Variants in RIMBP2 observed in about 807,000 individuals in gnomAD.
The protein encoded by RIMBP2 is RIMS-binding protein 2.
In RIMBP2, 48 loss-of-function variants were observed where a neutral mutation model predicts 118.6. That is an observed-to-expected ratio of 0.40 (90% CI 0.32 to 0.51). The LOEUF (loss-of-function observed/expected upper bound fraction) is 0.51, where lower values mean the gene tolerates loss of function less well. Among genes scored for constraint, RIMBP2 ranks in the 20% least tolerant of loss-of-function variants. The pLI, the probability that RIMBP2 is intolerant of heterozygous loss-of-function variation, is 0.41. For missense variants in RIMBP2, 1,551 were observed against 1,768.3 expected (o/e 0.88, Z 2.20); for synonymous variants, 762 against 742.9 (o/e 1.03, Z -0.42).
intron 4 of RIMBP2, among the ~76,000 whole-genome samples, chr12:130,494,561 C>T (rs934403291): frequency 2.0e-5 from 3 of 151,796 alleles, no homozygotes; most frequent in Non-Finnish European, 4.4e-5. Flanking sequence ...ATCGCTTGAA[C>T]CCAGGAGGCA....
intron 1 of RIMBP2, among the ~76,000 whole-genome samples, chr12:130,675,662 G>T (rs1278019234): frequency 6.6e-6 from 1 of 152,146 alleles, no homozygotes; most frequent in African/African-American, 2.4e-5. Flanking sequence ...CAATCAGATC[G>T]GTTTCAGCTT....
In RIMBP2 at chr12:130,703,344, T is replaced by G. The variant is rs912710276; in HGVS notation, c.-352+12878A>C. 6.6e-6 allele frequency among the ~76,000 whole-genome samples: 1 copy of G among 152,198 alleles called. No homozygotes were observed. Among genetic ancestry groups the G allele is most frequent in the Non-Finnish European group, 1.5e-5 (1 of 68,030 alleles). Reference sequence around the variant, plus strand: ...ATGAAGCCTGCCCAAGAATCCCTAATTCACTAATAAGAAAATCACCATCTA... The same window carrying G: ...ATGAAGCCTGCCCAAGAATCCCTAAGTCACTAATAAGAAAATCACCATCTA... On this transcript the variant is annotated intron_variant, in intron 1 of 22. Transcript: ENST00000690449. This position sits in a 1 kb window ranked among gnomAD's most constrained non-coding sequence, Gnocchi z 5.7.
At chr12:130,535,846 T>G (rs1356290388) in intron 2 of RIMBP2, among the ~76,000 whole-genome samples, 1 of 150,964 alleles carries the variant, frequency 6.6e-6, no homozygotes, top group East Asian at 1.9e-4. Context: ...TGGTACAATT[T>G]CAGCTCACTA....
intron 3 of RIMBP2, 110 bp from the exon 4 acceptor site, chr12:130,506,880 T>G: frequency 2.5e-6 from 2 of 806,648 alleles, no homozygotes; most frequent in Non-Finnish European, 3.0e-6. Context: ...TAGAGAATCC[T>G]TCCCTCCCTC....
intron 1 of RIMBP2, among the ~76,000 whole-genome samples, chr12:130,680,674 C>A (rs1477736357): frequency 6.6e-6 from 1 of 152,178 alleles, no homozygotes; most frequent in African/African-American, 2.4e-5. Context: ...TCGGTTATTG[C>A]AACTGGGGAG....
chr12:130,585,219 A>G (rs993706773), intron 2 of RIMBP2, among the ~76,000 whole-genome samples: 2 of 152,116 alleles, frequency 1.3e-5, no homozygotes, highest in African/African-American at 2.4e-5. Flanking sequence ...TGCTACCATT[A>G]TAAGCCGTGG....
At chr12:130,526,371 G>C (rs573561499) in intron 2 of RIMBP2, among the ~76,000 whole-genome samples, 1 of 152,150 alleles carries the variant, frequency 6.6e-6, no homozygotes, top group Non-Finnish European at 1.5e-5. Flanking sequence ...TTTTGTGCTC[G>C]ATGAAAGCCA....
intron 1 of RIMBP2, among the ~76,000 whole-genome samples, chr12:130,690,701 CA>C (rs1441733273): frequency 6.6e-6 from 1 of 152,142 alleles, no homozygotes; most frequent in African/African-American, 2.4e-5. Flanking sequence ...GCAGGCCACG[CA>C]CTTCCACTGG....
chr12:130,485,418 C>T (rs987646733), intron 4 of RIMBP2, among the ~76,000 whole-genome samples: 2 of 152,264 alleles, frequency 1.3e-5, no homozygotes, highest in Admixed American at 1.3e-4. Flanking sequence ...CTCCCGGCCA[C>T]TGCCCCACTT....
At chr12:130,630,355 A>G (rs1465754479) in intron 1 of RIMBP2, among the ~76,000 whole-genome samples, 6 of 151,788 alleles carry the variant, frequency 4.0e-5, no homozygotes, top group Non-Finnish European at 7.4e-5. Context: ...TATAAAAAGC[A>G]TGCTACACAT....
chr12:130,600,100 T>C (rs982212401), intron 2 of RIMBP2, among the ~76,000 whole-genome samples: 2 of 152,194 alleles, frequency 1.3e-5, no homozygotes, highest in Non-Finnish European at 2.9e-5. Flanking sequence ...AGTGTACATC[T>C]TACACATATT....
intron 5 of RIMBP2, among the ~76,000 whole-genome samples, chr12:130,477,066 G>T (rs544467442): frequency 2.6e-5 from 4 of 152,286 alleles, no homozygotes; most frequent in Non-Finnish European, 5.9e-5. Flanking sequence ...TTACAAAATT[G>T]GCCCATTCAT....
In RIMBP2 at chr12:130,688,596, GAGCAC is replaced by G. The variant is rs2136633317; in HGVS notation, c.-352+27621_-352+27625del. ...TACCCCGGGTGACCCTTAGGACTCT[GAGCAC>G]AGCCGGCGGGCATTCTCCCAGCCCT... On this transcript the variant is annotated intron_variant, in intron 1 of 22. Transcript: ENST00000690449. The surrounding 1 kb of genome is among the most constrained non-coding windows in gnomAD (Gnocchi z 4.7). 6.6e-6 allele frequency among the ~76,000 whole-genome samples: 1 copy of G among 151,628 alleles called. No individual in the cohort carries two copies. The highest frequency in any genetic ancestry group is 2.1e-4 in the South Asian group (1 of 4,800).
rs1265445244 is a variant in RIMBP2, at chr12:130,434,481, C to T, written c.2253+253G>A. Among the ~76,000 whole-genome samples the T allele has an allele frequency of 6.6e-6, 1 of 152,156 alleles. No homozygotes were observed. Among genetic ancestry groups the T allele is most frequent in the Non-Finnish European group, 1.5e-5 (1 of 68,032 alleles). On this transcript the variant is annotated intron_variant, in intron 14 of 22. Transcript: ENST00000690449. The surrounding 1 kb of genome is among the most constrained non-coding windows in gnomAD (Gnocchi z 5.7). ...GCAAAACCACCCCTATGACCGAATA[C>T]CAGGATGGTGCAGCGGGGGAGGGTG...
At chr12:130,500,585 G>A (rs146413306) in intron 4 of RIMBP2, among the ~76,000 whole-genome samples, 21 of 151,788 alleles carry the variant, frequency 1.4e-4, no homozygotes, top group African/African-American at 5.1e-4. Flanking sequence ...TAAGACAGGC[G>A]GCACATCAGT....
intron 2 of RIMBP2, among the ~76,000 whole-genome samples, chr12:130,537,194 G>A (rs899370857): frequency 7.2e-5 from 11 of 152,096 alleles, no homozygotes; most frequent in Admixed American, 2.6e-4. Context: ...ACACAGCATC[G>A]ACTGCAGCTG....
chr12:130,435,539 T>C (rs2077452174), intron 13 of RIMBP2, among the ~76,000 whole-genome samples: 1 of 152,124 alleles, frequency 6.6e-6, no homozygotes, highest in Admixed American at 6.6e-5. Flanking sequence ...GGAGCAGAAG[T>C]GGAGCCGCAT....
chr12:130,465,318 A>C (rs1308032677), intron 6 of RIMBP2: 1 of 152,324 alleles, frequency 6.6e-6, no homozygotes, highest in Non-Finnish European at 1.5e-5. Flanking sequence ...GGAGACACCC[A>C]AGGCGCTGTG....
chr12:130,611,986 T>C (rs192340922), intron 2 of RIMBP2, among the ~76,000 whole-genome samples: 44 of 152,324 alleles, frequency 2.9e-4, no homozygotes, highest in Admixed American at 2.6e-3. Flanking sequence ...CTGAGAAGCA[T>C]GTCCTGGATA....
Sources: gnomAD v4.1 joint callset for allele counts (sites outside exome capture counted in the v4.1 genomes callset) on GRCh38, gnomAD v4.1.1 for gene constraint, Gnocchi (gnomAD v3.1) non-coding constraint, MANE v1.5 for transcripts, NCBI Gene and HGNC (gene_info 2026-07-23, HGNC 2026-07-21) for gene names.